The following NALF1 variants were observed in gnomAD, a reference collection of about 807,000 sequenced individuals.
NALF1 encodes family with sequence similarity 155 member A.
Under a neutral mutation model 48.4 loss-of-function variants are expected in NALF1, and 3 were observed. The observed-to-expected ratio is 0.06, with a 90% CI of 0.03 to 0.16. NALF1 has a LOEUF of 0.16. Among genes scored for constraint, NALF1 ranks in the 10% least tolerant of loss-of-function variants. The probability of loss-of-function intolerance (pLI) is 1.00; values close to 1 mark genes in which losing one functional copy is unlikely to be tolerated. For missense variants in NALF1, 526 were observed against 571.5 expected, an observed-to-expected ratio of 0.92 and a Z score of 0.81; for synonymous variants, 262 against 245.7, an observed-to-expected ratio of 1.07 and a Z score of -0.62.
intron 2 of NALF1, among the ~76,000 whole-genome samples, chr13:107,176,226 T>C (rs1456623535): frequency 6.6e-6 from 1 of 152,066 alleles, no homozygotes; most frequent in Non-Finnish European, 1.5e-5. Context: ...AGTGAAATGT[T>C]GTTCTGATAT....
intron 1 of NALF1, among the ~76,000 whole-genome samples, chr13:107,803,335 T>G (rs920648560): frequency 2.0e-5 from 3 of 152,136 alleles, no homozygotes; most frequent in Non-Finnish European, 4.4e-5. Flanking sequence ...CGTGGTCAAT[T>G]TTTCTCTTAG....
At chr13:107,478,183 A>T (rs1255819923) in intron 1 of NALF1, among the ~76,000 whole-genome samples, 2 of 152,150 alleles carry the variant, frequency 1.3e-5, no homozygotes, top group Non-Finnish European at 2.9e-5. Flanking sequence ...TTTTTGCTTC[A>T]TCATGATCCT....
chr13:107,647,700 T>C (rs982067614), intron 1 of NALF1, among the ~76,000 whole-genome samples: 3 of 151,982 alleles, frequency 2.0e-5, no homozygotes, highest in South Asian at 2.1e-4. Flanking sequence ...CATAAATAAA[T>C]AGAGGAGAAA....
chr13:107,486,193 T>C (rs1010599795), intron 1 of NALF1, among the ~76,000 whole-genome samples: 8 of 152,144 alleles, frequency 5.3e-5, no homozygotes, highest in Non-Finnish European at 8.8e-5. Context: ...GGTTTCCTCT[T>C]GGCCAAGATT....
intron 1 of NALF1, among the ~76,000 whole-genome samples, chr13:107,276,041 A>G (rs983573442): frequency 5.9e-5 from 9 of 152,146 alleles, no homozygotes; most frequent in Admixed American, 3.9e-4. Context: ...ACTCCCCAGC[A>G]TGACGGATCC....
chr13:107,764,941 C>A (rs188431422), intron 1 of NALF1, among the ~76,000 whole-genome samples: 1 of 152,298 alleles, frequency 6.6e-6, no homozygotes, highest in East Asian at 1.9e-4. Flanking sequence ...ATTTATCTTA[C>A]TACGTGGGTT....
intron 2 of NALF1, among the ~76,000 whole-genome samples, chr13:107,183,869 G>A (rs1015698296): frequency 1.6e-4 from 24 of 152,156 alleles, no homozygotes; most frequent in African/African-American, 5.6e-4. Context: ...GGGAGGGATA[G>A]CATTAGGAGA....
intron 1 of NALF1, among the ~76,000 whole-genome samples, chr13:107,618,251 G>A (rs2138438352): frequency 6.6e-6 from 1 of 152,284 alleles, no homozygotes; most frequent in East Asian, 1.9e-4. Context: ...CACTCCTAGA[G>A]AAAGTAAAGG....
At chr13:107,714,484 A>T (rs948781568) in intron 1 of NALF1, among the ~76,000 whole-genome samples, 12 of 152,128 alleles carry the variant, frequency 7.9e-5, no homozygotes, top group Non-Finnish European at 1.5e-5. Flanking sequence ...CCTGGGCAAC[A>T]TGGTAAAACC....
chr13:107,454,547 C>T (rs1430343513), intron 1 of NALF1, among the ~76,000 whole-genome samples: 1 of 152,114 alleles, frequency 6.6e-6, no homozygotes, highest in African/African-American at 2.4e-5. Flanking sequence ...TGGTCTCTCC[C>T]ATGACACATG....
At chr13:107,680,730 TGA>T (rs375542632) in intron 1 of NALF1, among the ~76,000 whole-genome samples, 164 of 106,750 alleles carry the variant, frequency 1.5e-3, no homozygotes, top group African/African-American at 4.6e-3. Context: ...TGAGAGTGTA[TGA>T]GTGTGAATGT....
intron 1 of NALF1, among the ~76,000 whole-genome samples, chr13:107,402,502 A>G (rs1353617716): frequency 6.6e-6 from 1 of 152,200 alleles, no homozygotes; most frequent in African/African-American, 2.4e-5. Flanking sequence ...GTTTTAAGCC[A>G]CTGAATTTGT....
chr13:107,473,769 A>G (rs1885136279), intron 1 of NALF1, among the ~76,000 whole-genome samples: 2 of 152,176 alleles, frequency 1.3e-5, no homozygotes, highest in African/African-American at 2.4e-5. Context: ...ACTGATTTAC[A>G]TACAAAATTC....
intron 2 of NALF1, among the ~76,000 whole-genome samples, chr13:107,209,646 T>G (rs1166690366): frequency 6.6e-6 from 1 of 152,242 alleles, no homozygotes; most frequent in African/African-American, 2.4e-5. Context: ...ATTCTCATGT[T>G]GAGCATCTTA....
chr13:107,528,627 A>ATT (rs1876521933), intron 1 of NALF1, among the ~76,000 whole-genome samples: 1 of 152,150 alleles, frequency 6.6e-6, no homozygotes, highest in African/African-American at 2.4e-5. Context: ...CAGGTGCGCA[A>ATT]GCCAGAACTG....
chr13:107,780,461 T>C (rs1326494420), intron 1 of NALF1, among the ~76,000 whole-genome samples: 1 of 152,128 alleles, frequency 6.6e-6, no homozygotes, highest in Admixed American at 6.6e-5. Context: ...TCACAGGTGT[T>C]GAAAGTACCC....
intron 1 of NALF1, among the ~76,000 whole-genome samples, chr13:107,750,063 C>T (rs568595325): frequency 6.6e-6 from 1 of 152,120 alleles, no homozygotes; most frequent in East Asian, 1.9e-4. Flanking sequence ...CATGATCCAC[C>T]CGCCTCAGCC....
intron 1 of NALF1, among the ~76,000 whole-genome samples, chr13:107,805,894 C>T (rs533999596): frequency 4.6e-5 from 7 of 152,122 alleles, no homozygotes; most frequent in South Asian, 2.1e-4. Context: ...CACAAAATCA[C>T]GGAAAAAATA....
intron 1 of NALF1, among the ~76,000 whole-genome samples, chr13:107,710,781 G>GTATA (rs34303454): frequency 4.8e-5 from 7 of 147,310 alleles, no homozygotes; most frequent in South Asian, 4.2e-4. Context: ...ACATATGTGT[G>GTATA]TATATACACA....
Sources: allele counts gnomAD v4.1 joint callset (sites outside exome capture counted in the v4.1 genomes callset), GRCh38; gene constraint gnomAD v4.1.1; transcripts MANE v1.5; gene names NCBI Gene and HGNC (gene_info 2026-07-23, HGNC 2026-07-21).